PLEKHM3: variants seen among roughly 807,000 people sequenced by gnomAD.
The protein encoded by PLEKHM3 is pleckstrin homology domain containing M3.
Under a neutral mutation model 81.8 loss-of-function variants are expected in PLEKHM3, and 45 were observed. That is an observed-to-expected ratio of 0.55 (90% CI 0.43 to 0.71). The LOEUF is 0.71. Ranked by LOEUF, PLEKHM3 falls within the 30% of genes least tolerant of loss-of-function variation. The probability of loss-of-function intolerance (pLI) is 0.00; values close to 1 mark genes in which losing one functional copy is unlikely to be tolerated. For missense variants in PLEKHM3, 788 were observed against 924.3 expected, an observed-to-expected ratio of 0.85 and a Z score of 1.91; for synonymous variants, 352 against 356.4, an observed-to-expected ratio of 0.99 and a Z score of 0.14.
At chr2:207,841,204 C>T (rs761353402) in intron 7 of PLEKHM3, among the ~76,000 whole-genome samples, 14 of 151,354 alleles carry the variant, frequency 9.2e-5, no homozygotes, top group Middle Eastern at 3.4e-3. Flanking sequence ...CGGTGGCTCA[C>T]GCCTGTAATC....
At chr2:207,956,429 A>C (rs7567146) in intron 3 of PLEKHM3, among the ~76,000 whole-genome samples, 103,542 of 151,888 alleles carry the variant, frequency 0.68, 35,857 homozygotes, top group Middle Eastern at 0.81. Context: ...GCCAAGATTG[A>C]ACCATTGCAC....
chr2:207,925,225 G>A (rs1574412556), intron 5 of PLEKHM3, among the ~76,000 whole-genome samples: 1 of 151,810 alleles, frequency 6.6e-6, no homozygotes. Flanking sequence ...AGCAGGGAGG[G>A]AGGATTAAGG....
intron 5 of PLEKHM3, among the ~76,000 whole-genome samples, chr2:207,916,987 G>A (rs1689014579): frequency 6.6e-6 from 1 of 152,056 alleles, no homozygotes; most frequent in South Asian, 2.1e-4. Flanking sequence ...TGCTGATATT[G>A]GTATATACAT....
chr2:207,949,521 T>C (rs927097261), intron 3 of PLEKHM3, among the ~76,000 whole-genome samples: 9 of 152,258 alleles, frequency 5.9e-5, no homozygotes, highest in South Asian at 2.1e-4. Flanking sequence ...GCCTGAGTGA[T>C]AGAGGAAGGC....
Position 207,865,804 on chromosome 2 carries a change from A to AAAAAAAAAAAAAAATC in PLEKHM3, c.1951-4543_1951-4542insGATTTTTTTTTTTTTT, listed in dbSNP as rs2092496318. 6.5e-5 allele frequency among the ~76,000 whole-genome samples: 2 copies of AAAAAAAAAAAAAAATC among 30,924 alleles called. 1 individual carries two copies. Among genetic ancestry groups the AAAAAAAAAAAAAAATC allele is most frequent in the Admixed American group, 6.0e-4 (2 of 3,314 alleles). The allele number at this position is 30,924 out of a possible 152,430, so 20.3% of individuals were successfully genotyped here. A position where few individuals can be genotyped will look rare whatever the true frequency, so the allele number is the denominator to read the frequency against. On this transcript the variant is annotated intron_variant, in intron 6 of 7. Coordinates refer to ENST00000427836, the MANE Select transcript of PLEKHM3 (RefSeq NM_001080475.3). ...CTCAAAAAAAAAAAAAAAAAAAAAG[A>AAAAAAAAAAAAAAATC]TATATATATATATATATATATATAT...
chr2:207,954,589 AAAAT>A (rs1234989778), intron 3 of PLEKHM3, among the ~76,000 whole-genome samples: 3 of 152,210 alleles, frequency 2.0e-5, no homozygotes, highest in Admixed American at 1.3e-4. Context: ...GGCAACCAAA[AAAAT>A]AAAATCAATT....
chr2:207,907,491 G>A (rs745337217), intron 6 of PLEKHM3, among the ~76,000 whole-genome samples: 6 of 151,832 alleles, frequency 4.0e-5, no homozygotes, highest in Non-Finnish European at 8.8e-5. Flanking sequence ...GACAGAGCAA[G>A]ACTCTGTCTC....
intron 1 of PLEKHM3, among the ~76,000 whole-genome samples, chr2:208,024,793 AT>A (rs1284514519): frequency 7.2e-5 from 11 of 152,206 alleles, no homozygotes; most frequent in African/African-American, 1.2e-4. Flanking sequence ...GTAAATTCAA[AT>A]TTGTCTTGCT....
chr2:207,912,961 C>T (rs1688855881), intron 5 of PLEKHM3, among the ~76,000 whole-genome samples: 1 of 152,090 alleles, frequency 6.6e-6, no homozygotes, highest in African/African-American at 2.4e-5. Context: ...AAGTGTGGGC[C>T]CCGGCAGCTT....
chr2:207,942,224 A>T (rs1689964264), intron 4 of PLEKHM3, among the ~76,000 whole-genome samples: 1 of 152,242 alleles, frequency 6.6e-6, no homozygotes, highest in Non-Finnish European at 1.5e-5. Flanking sequence ...CAGCCATAAA[A>T]AAGAATGAAA....
intron 4 of PLEKHM3, among the ~76,000 whole-genome samples, chr2:207,943,867 C>CG (rs1559248980): frequency 7.9e-5 from 6 of 75,770 alleles, no homozygotes; most frequent in Non-Finnish European, 9.6e-5. Flanking sequence ...GACTCCGTCT[C>CG]AAAAAAAAAA....
chr2:207,854,872 C>T (rs2092430001), intron 7 of PLEKHM3, among the ~76,000 whole-genome samples: 1 of 152,188 alleles, frequency 6.6e-6, no homozygotes, highest in African/African-American at 2.4e-5. Flanking sequence ...ACTATGACCA[C>T]AGCTACCTTA....
intron 6 of PLEKHM3, among the ~76,000 whole-genome samples, chr2:207,892,680 A>C (rs1300079484): frequency 1.3e-5 from 2 of 151,978 alleles, no homozygotes; most frequent in Non-Finnish European, 2.9e-5. Flanking sequence ...ATCCCATTCC[A>C]TCCACCCCAT....
intron 3 of PLEKHM3, among the ~76,000 whole-genome samples, chr2:207,971,963 T>C (rs979729472): frequency 1.3e-5 from 2 of 152,240 alleles, no homozygotes; most frequent in African/African-American, 4.8e-5. Flanking sequence ...TTCACATAGT[T>C]CTACCTGGCA....
chr2:207,864,962 T>G (rs2092487485), intron 6 of PLEKHM3, among the ~76,000 whole-genome samples: 1 of 152,228 alleles, frequency 6.6e-6, no homozygotes, highest in Admixed American at 6.5e-5. Context: ...TAGCTATTGC[T>G]GGTATATTAG....
At chr2:207,882,409 C>T (rs1687723151) in intron 6 of PLEKHM3, among the ~76,000 whole-genome samples, 2 of 151,480 alleles carry the variant, frequency 1.3e-5, no homozygotes, top group South Asian at 2.1e-4. Context: ...GTCAGGAGTT[C>T]GAGACCAGCC....
intron 6 of PLEKHM3, among the ~76,000 whole-genome samples, chr2:207,902,695 A>G (rs1274772121): frequency 6.6e-6 from 1 of 152,114 alleles, no homozygotes; most frequent in Non-Finnish European, 1.5e-5. Flanking sequence ...CAGCTTTTCT[A>G]ATTTTGTTTT....
intron 3 of PLEKHM3, among the ~76,000 whole-genome samples, chr2:207,949,600 A>T (rs564812137): frequency 9.8e-5 from 15 of 152,344 alleles, no homozygotes; most frequent in South Asian, 4.1e-4. Context: ...GTTCAGTGGA[A>T]CTTAATATAT....
intron 5 of PLEKHM3, among the ~76,000 whole-genome samples, chr2:207,925,132 GT>G (rs202065426): frequency 4.2e-4 from 58 of 138,622 alleles, no homozygotes; most frequent in African/African-American, 1.4e-3. Context: ...GAACAGGGTT[GT>G]TTTTTTGTTT....
Sources: gnomAD v4.1 joint callset for allele counts (sites outside exome capture counted in the v4.1 genomes callset) on GRCh38, gnomAD v4.1.1 for gene constraint, MANE v1.5 for transcripts, NCBI Gene and HGNC (gene_info 2026-07-23, HGNC 2026-07-21) for gene names.